The following LIPI variants were observed in gnomAD, a reference collection of about 807,000 sequenced individuals.
LIPI encodes the protein lipase I, also known as lipase member I.
In LIPI, 59 loss-of-function variants were observed where a neutral mutation model predicts 50.6. The observed-to-expected ratio is 1.16, with a 90% CI of 0.94 to 1.45. LIPI has a LOEUF of 1.45. Ranked by LOEUF, LIPI falls within the 40% of genes most tolerant of loss-of-function variation. The pLI is 0.00. For missense variants in LIPI, 586 were observed against 536.3 expected, an observed-to-expected ratio of 1.09 and a Z score of -0.92; for synonymous variants, 203 against 178.2, an observed-to-expected ratio of 1.14 and a Z score of -1.11.
intron 7 of LIPI, among the ~76,000 whole-genome samples, chr21:14,155,765 C>A (rs1338581309): frequency 3.3e-5 from 5 of 151,734 alleles, no homozygotes; most frequent in Non-Finnish European, 5.9e-5. Context: ...CATTGTCAGA[C>A]AAAGAAACAG....
At position 14,124,416 on chromosome 21, in the gene LIPI, G is replaced by A. The variant is rs944925137; in HGVS notation, c.1296-15336C>T. ...TGTAGCAACCTCACCCACCTCCCCC[G>A]ACCCCGCCCCGGTAGAATACTAACT... On this transcript the variant is annotated intron_variant, in intron 9 of 9. Transcript: ENST00000681601. Among the ~76,000 whole-genome samples the A allele has an allele frequency of 3.3e-5, 5 of 151,798 alleles. 1 individual carries two copies. Among genetic ancestry groups the A allele is most frequent in the Non-Finnish European group, 5.9e-5 (4 of 67,950 alleles).
At chr21:14,161,582 ATATATC>A (rs1314270191) in intron 7 of LIPI, among the ~76,000 whole-genome samples, 1 of 119,486 alleles carries the variant, frequency 8.4e-6, no homozygotes, top group African/African-American at 3.4e-5. Context: ...TATATATAAT[ATATATC>A]TATATAATAT....
At chr21:14,153,564 C>G (rs1317634316) in intron 7 of LIPI, among the ~76,000 whole-genome samples, 1 of 152,084 alleles carries the variant, frequency 6.6e-6, no homozygotes, top group East Asian at 1.9e-4. Context: ...CAATATGCAA[C>G]CAAGCTCTGA....
At chr21:14,166,485 T>A in intron 4 of LIPI, 34 bp from the exon 5 acceptor site, 1 of 1,092,332 alleles carries the variant, frequency 9.2e-7, no homozygotes, top group Non-Finnish European at 1.4e-6. Context: ...TCACAACATG[T>A]ATATAATCAG....
intron 9 of LIPI, among the ~76,000 whole-genome samples, chr21:14,120,709 C>T (rs2016829115): frequency 6.6e-6 from 1 of 152,188 alleles, no homozygotes; most frequent in African/African-American, 2.4e-5. Context: ...GTGTGGTTCA[C>T]ACAGGAAAAT....
intron 3 of LIPI, among the ~76,000 whole-genome samples, chr21:14,183,426 A>G (rs2019344069): frequency 6.6e-6 from 1 of 152,224 alleles, no homozygotes; most frequent in South Asian, 2.1e-4. Flanking sequence ...CAAGGACTTC[A>G]TGTCTAAATC....
At chr21:14,134,367 G>T (rs1016008354) in intron 9 of LIPI, among the ~76,000 whole-genome samples, 6 of 151,986 alleles carry the variant, frequency 3.9e-5, no homozygotes, top group Non-Finnish European at 7.4e-5. Flanking sequence ...TGACCATACT[G>T]CCCAAAGCAA....
chr21:14,127,353 TG>T (rs1568836995), intron 9 of LIPI, among the ~76,000 whole-genome samples: 1 of 152,182 alleles, frequency 6.6e-6, no homozygotes, highest in Non-Finnish European at 1.5e-5. Context: ...AAGCATACAT[TG>T]ATCCAAACAT....
intron 1 of LIPI, among the ~76,000 whole-genome samples, chr21:14,199,260 G>A (rs550024528): frequency 1.2e-4 from 18 of 151,794 alleles, no homozygotes; most frequent in East Asian, 1.9e-4. Context: ...CTGAACTGAC[G>A]GAGACTGAGA....
chr21:14,179,089 G>A lies in LIPI; in HGVS notation c.643+2669C>T, dbSNP rs148254800. The stretch of plus-strand genomic sequence containing the variant: ...AGATGTTTTGCAAACCCAATATGAG[G>A]GTTTCAAAAGCATCTATCTTTTGGA... On this transcript the variant is annotated intron_variant, in intron 4 of 9. Transcript: ENST00000681601. Among the ~76,000 whole-genome samples, 1,056 of 151,906 alleles carry A rather than the reference G, an allele frequency of 7.0e-3. 36 individuals carry two copies. Among genetic ancestry groups the A allele is most frequent in the Admixed American group, 0.063 (958 of 15,194 alleles).
At chr21:14,206,202 C>G (rs1008030388) in intron 1 of LIPI, among the ~76,000 whole-genome samples, 3 of 152,108 alleles carry the variant, frequency 2.0e-5, no homozygotes, top group Admixed American at 2.0e-4. Flanking sequence ...GCATAGTGCC[C>G]TGGACGTGAG....
chr21:14,169,828 T>G (rs909628108), intron 4 of LIPI, among the ~76,000 whole-genome samples: 1 of 151,962 alleles, frequency 6.6e-6, no homozygotes, highest in African/African-American at 2.4e-5. Context: ...GCAAACACAT[T>G]CATAAGCTAG....
chr21:14,191,980 C>CA (rs1195953057), intron 1 of LIPI, among the ~76,000 whole-genome samples: 4 of 152,174 alleles, frequency 2.6e-5, no homozygotes, highest in African/African-American at 9.7e-5. Flanking sequence ...TGAATTGAAC[C>CA]AAGAAAAACA....
intron 8 of LIPI, among the ~76,000 whole-genome samples, chr21:14,150,952 T>G (rs1484796848): frequency 6.6e-6 from 1 of 152,202 alleles, no homozygotes; most frequent in African/African-American, 2.4e-5. Context: ...ATCTGCAATG[T>G]CTTTATTAAC....
intron 8 of LIPI, among the ~76,000 whole-genome samples, chr21:14,148,070 T>A (rs935004277): frequency 1.3e-5 from 2 of 152,112 alleles, no homozygotes; most frequent in African/African-American, 2.4e-5. Flanking sequence ...GTCCAATGAA[T>A]CATTAGTAGT....
chr21:14,139,794 G>A (rs1014435872), intron 9 of LIPI, among the ~76,000 whole-genome samples: 1 of 152,078 alleles, frequency 6.6e-6, no homozygotes, highest in Non-Finnish European at 1.5e-5. Flanking sequence ...GTTAGCCATC[G>A]GCACTTCAAG....
At chr21:14,200,013 C>G (rs2019996876) in intron 1 of LIPI, among the ~76,000 whole-genome samples, 1 of 152,112 alleles carries the variant, frequency 6.6e-6, no homozygotes, top group South Asian at 2.1e-4. Context: ...ACATGATTAT[C>G]TCAATAGATG....
chr21:14,180,166 G>T (rs2019224646), intron 4 of LIPI, among the ~76,000 whole-genome samples: 1 of 152,092 alleles, frequency 6.6e-6, no homozygotes, highest in South Asian at 2.1e-4. Flanking sequence ...GTGGGGAAAA[G>T]CTCCGCCCTG....
chr21:14,122,647 A>G (rs2016907966), intron 9 of LIPI, among the ~76,000 whole-genome samples: 1 of 152,178 alleles, frequency 6.6e-6, no homozygotes, highest in Admixed American at 6.5e-5. Context: ...ACCACACATG[A>G]ATTCAGCCAA....
Sources: allele counts gnomAD v4.1 joint callset (sites outside exome capture counted in the v4.1 genomes callset), GRCh38; gene constraint gnomAD v4.1.1; transcripts MANE v1.5; gene names NCBI Gene and HGNC (gene_info 2026-07-23, HGNC 2026-07-21).